PREX2: variants seen among roughly 807,000 people sequenced by gnomAD.
The protein encoded by PREX2 is phosphatidylinositol 3,4,5-trisphosphate-dependent Rac exchanger 2 protein.
A neutral mutation model predicts 203.2 loss-of-function variants in PREX2; 107 were observed. That is an observed-to-expected ratio of 0.53 (90% confidence interval 0.45 to 0.62). The LOEUF (loss-of-function observed/expected upper bound fraction) is 0.62. Among genes scored for constraint, PREX2 ranks in the 20% least tolerant of loss-of-function variants. PREX2 has a pLI of 0.00. For missense variants in PREX2, 1,777 were observed against 1,955.9 expected, an observed-to-expected ratio of 0.91 and a Z score of 1.72; for synonymous variants, 672 against 663.6, an observed-to-expected ratio of 1.01 and a Z score of -0.19.
intron 23 of PREX2, chr8:68,100,082 C>A (rs1276680782): frequency 1.6e-6 from 1 of 629,168 alleles, no homozygotes; most frequent in East Asian, 3.5e-5. Context: ...TAACTGAGGC[C>A]TAAAGAATTA....
intron 37 of PREX2, among the ~76,000 whole-genome samples, chr8:68,193,977 G>A (rs996279477): frequency 6.6e-6 from 1 of 152,186 alleles, no homozygotes; most frequent in Non-Finnish European, 1.5e-5. Context: ...AAAATATGCA[G>A]AATTTTTCAC....
At chr8:67,956,735 A>G (rs989331274) in intron 1 of PREX2, among the ~76,000 whole-genome samples, 11 of 152,170 alleles carry the variant, frequency 7.2e-5, no homozygotes, top group Admixed American at 7.2e-4. Flanking sequence ...GACACTGGGA[A>G]ACAGATGGAA....
chr8:68,176,952 A>T (rs1408060537), intron 35 of PREX2: 1 of 152,128 alleles, frequency 6.6e-6, no homozygotes, highest in African/African-American at 2.4e-5. Context: ...CATTATAAAG[A>T]TAGAGACAAT....
chr8:68,083,218 T>C, intron 17 of PREX2, 22 bp from the exon 18 acceptor site: 2 of 1,542,124 alleles, frequency 1.3e-6, no homozygotes, highest in South Asian at 1.2e-5. Flanking sequence ...CTTTGACTTA[T>C]TTTTTGTAAT....
chr8:68,123,060 T>C (rs1810812029), intron 30 of PREX2, among the ~76,000 whole-genome samples: 1 of 152,100 alleles, frequency 6.6e-6, no homozygotes, highest in Admixed American at 6.6e-5. Flanking sequence ...AATATCTTTG[T>C]TAATCTTCTG....
At chr8:67,985,109 C>T (rs1806379558) in intron 1 of PREX2, among the ~76,000 whole-genome samples, 1 of 152,022 alleles carries the variant, frequency 6.6e-6, no homozygotes, top group Non-Finnish European at 1.5e-5. Flanking sequence ...AGTTGCTAGG[C>T]AGAGAAAAAC....
At chr8:68,152,498 A>G (rs545482947) in intron 34 of PREX2, among the ~76,000 whole-genome samples, 3 of 152,122 alleles carry the variant, frequency 2.0e-5, no homozygotes, top group Non-Finnish European at 2.9e-5. Context: ...GCCAGCTCCT[A>G]TTGGAGGAGG....
intron 17 of PREX2, among the ~76,000 whole-genome samples, 185 bp from the exon 18 acceptor site, chr8:68,083,055 T>C (rs1030750): frequency 1.3e-5 from 2 of 151,998 alleles, no homozygotes; most frequent in South Asian, 4.1e-4. Flanking sequence ...TTTAAAACTA[T>C]GCCAAAGAGA....
At chr8:67,997,452 G>A (rs1422543937) in intron 1 of PREX2, among the ~76,000 whole-genome samples, 2 of 152,164 alleles carry the variant, frequency 1.3e-5, no homozygotes, top group Admixed American at 1.3e-4. Context: ...TTATACTAGG[G>A]ATAAAGGGGG....
At chr8:68,163,016 C>A (rs1170110369) in intron 35 of PREX2, among the ~76,000 whole-genome samples, 1 of 152,156 alleles carries the variant, frequency 6.6e-6, no homozygotes, top group African/African-American at 2.4e-5. Flanking sequence ...ATTTTACCAA[C>A]AATTTTTAAA....
chr8:68,149,322 A>G (rs190273826), intron 34 of PREX2, among the ~76,000 whole-genome samples: 1 of 152,194 alleles, frequency 6.6e-6, no homozygotes, highest in Non-Finnish European at 1.5e-5. Context: ...GTTGGCGGCC[A>G]ATGTGTATTG....
At chr8:68,014,010 A>G (rs1479273251) in intron 1 of PREX2, among the ~76,000 whole-genome samples, 3 of 152,190 alleles carry the variant, frequency 2.0e-5, no homozygotes, top group Non-Finnish European at 2.9e-5. Flanking sequence ...AAAGAGTGGG[A>G]AGGGCAAAAA....
chr8:68,086,544 A>G (rs959264226), intron 18 of PREX2, among the ~76,000 whole-genome samples: 1 of 152,072 alleles, frequency 6.6e-6, no homozygotes, highest in Non-Finnish European at 1.5e-5. Flanking sequence ...ATTGCGTTGT[A>G]TTCATTTGTT....
At chr8:67,963,828 A>G (rs1288579017) in intron 1 of PREX2, among the ~76,000 whole-genome samples, 1 of 152,208 alleles carries the variant, frequency 6.6e-6, no homozygotes, top group African/African-American at 2.4e-5. Context: ...GCCATATGTA[A>G]TCAACATGGC....
rs1813252981 is a variant in PREX2 at position 68,235,687 on chromosome 8, A to G, written c.*4309A>G. ...ACCAAAAATGGCCCCAGGATATTCCATTGAACAAATATTGACCATTATCTT... is the reference window on the plus strand; with the variant it reads ...ACCAAAAATGGCCCCAGGATATTCCGTTGAACAAATATTGACCATTATCTT... On this transcript the variant is annotated 3_prime_UTR_variant, in exon 40 of 40. Transcript: ENST00000288368. 6.6e-6 allele frequency: 1 copy of G among 152,158 alleles called. No homozygotes were observed. Among genetic ancestry groups the G allele is most frequent in the Non-Finnish European group, 1.5e-5 (1 of 68,016 alleles). The allele number at this position is 152,158 out of a possible 1,614,324, so 9.4% of individuals were successfully genotyped here. A position where few individuals can be genotyped will look rare whatever the true frequency, so the allele number is the denominator to read the frequency against.
rs1264318029 is a variant in PREX2, at chr8:68,232,527, A to C, written c.*1149A>C. The C allele has an allele frequency of 6.6e-6, 1 of 152,214 alleles. No homozygotes were observed. Among genetic ancestry groups the C allele is most frequent in the African/African-American group, 2.4e-5 (1 of 41,458 alleles). 9.4% of individuals were successfully genotyped at this position (152,214 alleles called of 1,614,324 possible). On this transcript the variant is annotated 3_prime_UTR_variant, in exon 40 of 40. Transcript: ENST00000288368. ...TATTTTAAATCCATAATTTTCAAACAAAACACTCATGATTGTGATAATTAT... is the reference window on the plus strand; with the variant it reads ...TATTTTAAATCCATAATTTTCAAACCAAACACTCATGATTGTGATAATTAT...
At chr8:67,985,077 GA>G (rs1276710763) in intron 1 of PREX2, among the ~76,000 whole-genome samples, 1 of 151,904 alleles carries the variant, frequency 6.6e-6, no homozygotes, top group African/African-American at 2.4e-5. Flanking sequence ...TAGAAGCAGA[GA>G]AAACATACCA....
At chr8:67,977,175 T>C (rs903736836) in intron 1 of PREX2, among the ~76,000 whole-genome samples, 5 of 152,138 alleles carry the variant, frequency 3.3e-5, no homozygotes, top group Non-Finnish European at 5.9e-5. Flanking sequence ...AGTACGCTTA[T>C]AAAAAGAACT....
chr8:68,167,697 G>A (rs1055954439), intron 35 of PREX2, among the ~76,000 whole-genome samples: 4 of 152,068 alleles, frequency 2.6e-5, no homozygotes, highest in African/African-American at 9.7e-5. Flanking sequence ...CTTAGCATCT[G>A]CTTCCAACTG....
Sources: allele counts gnomAD v4.1 joint callset (sites outside exome capture counted in the v4.1 genomes callset), GRCh38; gene constraint gnomAD v4.1.1; transcripts MANE v1.5; gene names NCBI Gene and HGNC (gene_info 2026-07-23, HGNC 2026-07-21).